Variants in GPRC5B observed in about 807,000 individuals in gnomAD.
The protein encoded by GPRC5B is G protein-coupled receptor class C group 5 member B.
In GPRC5B, 16 loss-of-function variants were observed where a neutral mutation model predicts 30.1. The ratio of observed to expected loss-of-function variants is 0.53; its 90% CI spans 0.36 to 0.81. The LOEUF (loss-of-function observed/expected upper bound fraction) is 0.81. Ranked by LOEUF, GPRC5B falls within the 30% of genes least tolerant of loss-of-function variation. The pLI, the probability that GPRC5B is intolerant of heterozygous loss-of-function variation, is 0.01. For missense variants in GPRC5B, 428 were observed against 544.7 expected (o/e 0.79, Z 2.13); for synonymous variants, 241 against 239.5 (o/e 1.01, Z -0.06).
intron 1 of GPRC5B, among the ~76,000 whole-genome samples, chr16:19,881,643 G>A (rs1056381289): frequency 1.3e-5 from 2 of 152,150 alleles, no homozygotes; most frequent in Admixed American, 6.5e-5. Flanking sequence ...TAAGCCGGGC[G>A]TGGTGGTGCA....
At chr16:19,883,141 G>A (rs1389899540) in intron 1 of GPRC5B, among the ~76,000 whole-genome samples, 1 of 152,212 alleles carries the variant, frequency 6.6e-6, no homozygotes, top group Admixed American at 6.5e-5. Context: ...CGGGAGAGCA[G>A]GGGTTTTGTC....
In GPRC5B at chr16:19,884,747, C is replaced by A. The variant is rs1442920710; in HGVS notation, c.-22G>T. 1.0e-6 allele frequency: 1 copy of A among 984,970 alleles called. No individual in the cohort carries two copies. The highest frequency in any genetic ancestry group is 1.7e-5 in the African/African-American group (1 of 57,208). 61.0% of individuals were successfully genotyped at this position (984,970 alleles called of 1,614,324 possible). ...CTTACCGACCCCCGCGGCCCCGCAG[C>A]GCCGACGCTCCAGCTGGCCTTCGGC... On this transcript the variant is annotated 5_prime_UTR_variant, in exon 1 of 4. Transcript: ENST00000300571.
At position 19,872,918 on chromosome 16, in the gene GPRC5B, A is replaced by G; in HGVS notation, c.-1-72T>C. On this transcript the variant is annotated intron_variant, in intron 1 of 3. Coordinates refer to ENST00000300571, the MANE Select transcript of GPRC5B (RefSeq NM_016235.3). This position sits in a 1 kb window ranked among gnomAD's most constrained non-coding sequence, Gnocchi z 5.0. ...TCATTGGAAGACTCCCCCTCTCCTG[A>G]CTTCTTGAAGAAGACTCGCCTCATT... 8.8e-7 allele frequency: 1 copy of G among 1,136,178 alleles called. No homozygotes were observed. The highest frequency in any genetic ancestry group is 1.3e-6 in the Non-Finnish European group (1 of 779,376). The allele number at this position is 1,136,178 out of a possible 1,614,324, so 70.4% of individuals were successfully genotyped here. A position where few individuals can be genotyped will look rare whatever the true frequency, so the allele number is the denominator to read the frequency against.
intron 1 of GPRC5B, among the ~76,000 whole-genome samples, chr16:19,875,810 C>T (rs903255248): frequency 2.0e-5 from 3 of 152,042 alleles, no homozygotes; most frequent in East Asian, 1.9e-4. Context: ...AAAATAAAAT[C>T]GCTCGTTGAT....
At chr16:19,885,012 T>C, upstream of GPRC5B, 1 of 541,504 alleles carries the variant, frequency 1.8e-6, no homozygotes, top group East Asian at 1.5e-4. The surrounding 1 kb of genome is among the most constrained non-coding windows in gnomAD (Gnocchi z 5.3). Flanking sequence ...AGGCGCCGTC[T>C]GCATGCACCC....
rs770922659 is a variant in GPRC5B at position 19,858,921 on chromosome 16, A to G, written c.*1579T>C. ...GGGCCAGATTGGCCTTACTTTCCCC[A>G]GTGCTTTGCAAGGATGGGGTGGGGA... On this transcript the variant is annotated 3_prime_UTR_variant, in exon 4 of 4. Coordinates refer to ENST00000300571, the MANE Select transcript of GPRC5B (RefSeq NM_016235.3). 5.2e-6 allele frequency: 1 copy of G among 190,834 alleles called. No individual in the cohort carries two copies. Among genetic ancestry groups the G allele is most frequent in the Non-Finnish European group, 1.1e-5 (1 of 93,882 alleles). The allele number at this position is 190,834 out of a possible 1,614,324, so 11.8% of individuals were successfully genotyped here.
In GPRC5B at chr16:19,857,514, T is replaced by C. The variant is rs1206636499; in HGVS notation, c.*2986A>G. The C allele has an allele frequency of 4.8e-6, 2 of 413,526 alleles. No homozygotes were observed. The highest frequency in any genetic ancestry group is 9.3e-6 in the Non-Finnish European group (2 of 214,874). 25.6% of individuals were successfully genotyped at this position (413,526 alleles called of 1,614,324 possible). A position where few individuals can be genotyped will look rare whatever the true frequency, so the allele number is the denominator to read the frequency against. On this transcript the variant is annotated 3_prime_UTR_variant, in exon 4 of 4. Transcript: ENST00000300571. The stretch of plus-strand genomic sequence containing the variant: ...ATTATAAAACACACATTAATGCATT[T>C]AATAAATATATATTATCTATCAAAA...
intron 1 of GPRC5B, among the ~76,000 whole-genome samples, chr16:19,874,985 G>C (rs1037717960): frequency 6.6e-5 from 10 of 151,524 alleles, no homozygotes; most frequent in African/African-American, 2.4e-4. Context: ...TACTGCCCCA[G>C]CTCAACCCAC....
rs1170650601 is a variant in GPRC5B, at chr16:19,857,936, A to G, written c.*2564T>C. 1 of 152,808 alleles carries G rather than the reference A, an allele frequency of 6.5e-6. No individual in the cohort carries two copies. The highest frequency in any genetic ancestry group is 2.4e-5 in the African/African-American group (1 of 41,386). 9.5% of individuals were successfully genotyped at this position (152,808 alleles called of 1,614,324 possible). A position where few individuals can be genotyped will look rare whatever the true frequency, so the allele number is the denominator to read the frequency against. On this transcript the variant is annotated 3_prime_UTR_variant, in exon 4 of 4. Transcript: ENST00000300571. ...TGACAATTTTCTATTAAAAGGGGGG[A>G]CAAGAGTGGCTGTTATAGACCCAAA...
intron 1 of GPRC5B, among the ~76,000 whole-genome samples, chr16:19,875,694 G>T (rs574860797): frequency 4.6e-5 from 7 of 152,118 alleles, no homozygotes; most frequent in African/African-American, 1.7e-4. Flanking sequence ...CAGAAGAATC[G>T]CTTGAACCTG....
chr16:19,861,309 A>G (rs1410707446), intron 3 of GPRC5B, among the ~76,000 whole-genome samples: 3 of 152,186 alleles, frequency 2.0e-5, no homozygotes, highest in East Asian at 3.8e-4. Context: ...AAACAATGAC[A>G]ATTCTGCTGA....
intron 2 of GPRC5B, among the ~76,000 whole-genome samples, chr16:19,868,135 G>A (rs2056681833): frequency 6.6e-6 from 1 of 151,948 alleles, no homozygotes; most frequent in African/African-American, 2.4e-5. Flanking sequence ...AACACTTTGG[G>A]AGGCCGAGGC....
chr16:19,857,394 A>G lies in GPRC5B; in HGVS notation c.*3106T>C. 1 of 427,498 alleles carries G rather than the reference A, an allele frequency of 2.3e-6. No individual in the cohort carries two copies. The allele number at this position is 427,498 out of a possible 1,614,324, so 26.5% of individuals were successfully genotyped here. ...ACAGCCTTTTAAATTTGTAATATTT[A>G]TATAGTCGTTTATGGTACATATTGA... On this transcript the variant is annotated 3_prime_UTR_variant, in exon 4 of 4. Transcript: ENST00000300571.
chr16:19,877,591 A>G (rs1325427696), intron 1 of GPRC5B, among the ~76,000 whole-genome samples: 1 of 152,182 alleles, frequency 6.6e-6, no homozygotes, highest in Non-Finnish European at 1.5e-5. Flanking sequence ...TATTGCAGCC[A>G]AAGTGACAAC....
rs1200436850 is a variant in GPRC5B at position 19,872,633 on chromosome 16, C to T, written c.213G>A (p.Leu71=). The T allele has an allele frequency of 1.9e-6, 3 of 1,613,918 alleles. No individual in the cohort carries two copies. The highest frequency in any genetic ancestry group is 2.5e-6 in the Non-Finnish European group (3 of 1,179,878). The change falls in exon 2 of 4, where the codon CTG becomes CTA. Residue 71 remains leucine, a synonymous_variant. Transcript: ENST00000300571. This position sits in a 1 kb window ranked among gnomAD's most constrained non-coding sequence, Gnocchi z 5.0. ...AVAGAGALIT[L]LLMLILLVRL... ...GCACCAGGAGGATGAGCATCAGGAG[C>T]AGTGTGATCAGGGCGCCCGCCCCGG... is the stretch of plus-strand genomic sequence containing the variant.
upstream of GPRC5B, chr16:19,884,915 C>G (rs2056839149): frequency 1.1e-6 from 1 of 904,112 alleles, no homozygotes. Flanking sequence ...GCGGCCGCGG[C>G]CCCGCCCCCG....
chr16:19,884,648 A>G (rs1290795586), intron 1 of GPRC5B, 79 bp downstream of exon 1: 21 of 960,076 alleles, frequency 2.2e-5, no homozygotes, highest in African/African-American at 1.2e-4. Context: ...GGACCCCCCA[A>G]TTCTCCCAAA....
rs753265799 is a variant in GPRC5B, at chr16:19,857,351, CCTAT to C, written c.*3145_*3148del. On this transcript the variant is annotated 3_prime_UTR_variant, in exon 4 of 4. Transcript: ENST00000300571. Reference sequence around the variant, plus strand: ...TAAGAACAGCATTTTGAAAATAAAACCTATCTGCCCATGGTTTACAGCCTTTTAA... The same window carrying C: ...TAAGAACAGCATTTTGAAAATAAAACCTGCCCATGGTTTACAGCCTTTTAA... The C allele has an allele frequency of 6.9e-4, 273 of 395,742 alleles. 1 individual carries two copies. Among genetic ancestry groups the C allele is most frequent in the South Asian group, 1.2e-3 (64 of 54,134 alleles). The allele number at this position is 395,742 out of a possible 1,614,324, so 24.5% of individuals were successfully genotyped here. A position where few individuals can be genotyped will look rare whatever the true frequency, so the allele number is the denominator to read the frequency against.
Position 19,872,164 on chromosome 16 carries a change from T to G in GPRC5B, c.682A>C (p.Arg228=). ...AGGAAGGCCCCGTTCAGCTTCCACCTCTTGAACTTGCCGCACAGAGTGAAG... is the reference window on the plus strand; with the variant it reads ...AGGAAGGCCCCGTTCAGCTTCCACCGCTTGAACTTGCCGCACAGAGTGAAG... ...ALFTLCGKFK[R]WKLNGAFLLI... The change falls in exon 2 of 4, where the codon AGG becomes CGG. Residue 228 remains arginine, a synonymous_variant. Transcript: ENST00000300571. The surrounding 1 kb of genome is among the most constrained non-coding windows in gnomAD (Gnocchi z 5.0). 6.2e-7 allele frequency: 1 copy of G among 1,614,058 alleles called. No individual in the cohort carries two copies. The highest frequency in any genetic ancestry group is 8.5e-7 in the Non-Finnish European group (1 of 1,179,986).
Sources: gnomAD v4.1 joint callset for allele counts (sites outside exome capture counted in the v4.1 genomes callset) on GRCh38, gnomAD v4.1.1 for gene constraint, Gnocchi (gnomAD v3.1) non-coding constraint, MANE v1.5 for transcripts, NCBI Gene and HGNC (gene_info 2026-07-23, HGNC 2026-07-21) for gene names.